The following TRPM1 variants were observed in gnomAD, a reference collection of about 807,000 sequenced individuals.
TRPM1 encodes the protein TRPM1-203 APA Isoform, Intron 10.
TRPM1 carries 113 observed loss-of-function variants against 149.4 expected under a neutral mutation model. The observed-to-expected ratio is 0.76, with a 90% CI of 0.65 to 0.88. The LOEUF (loss-of-function observed/expected upper bound fraction) is 0.88, where lower values mean the gene tolerates loss of function less well. Among genes scored for constraint, TRPM1 ranks in the 40% least tolerant of loss-of-function variants. The probability of loss-of-function intolerance (pLI) is 0.00; values close to 1 mark genes in which losing one functional copy is unlikely to be tolerated. For missense variants in TRPM1, 1,976 were observed against 2,038.7 expected, an observed-to-expected ratio of 0.97 and a Z score of 0.59; for synonymous variants, 741 against 759.5, an observed-to-expected ratio of 0.98 and a Z score of 0.40.
intron 1 of TRPM1, among the ~76,000 whole-genome samples, chr15:31,092,641 C>T (rs56165042): frequency 0.088 from 13,336 of 152,304 alleles, 695 homozygotes; most frequent in Non-Finnish European, 0.11. Flanking sequence ...CCCAGCACTT[C>T]CACACTGAGG....
intron 1 of TRPM1, among the ~76,000 whole-genome samples, chr15:31,155,352 T>A (rs2036354900): frequency 6.6e-6 from 1 of 152,170 alleles, no homozygotes; most frequent in Non-Finnish European, 1.5e-5. Flanking sequence ...GGCTCCTGCC[T>A]GCAGCTCCAA....
In TRPM1 at chr15:31,067,985, G is replaced by A; in HGVS notation, c.387C>T (p.Leu129=). ...GCTTGGGCTGCATCTCAAAGTTCTG[G>A]AGGCCTCCATGCACAGATATTAAGA... ...PKLLISVHGG[L]QNFEMQPKLK... is the part of the protein sequence containing the mutation. Residue 129 remains leucine (L), a synonymous_variant, in exon 5 of 28, where the codon CTC becomes CTT. Coordinates refer to ENST00000256552, the MANE Select transcript of TRPM1 (RefSeq NM_001252024.2). 6.2e-7 allele frequency: 1 copy of A among 1,614,170 alleles called. No individual in the cohort carries two copies. The highest frequency in any genetic ancestry group is 8.5e-7 in the Non-Finnish European group (1 of 1,180,026).
At chr15:31,031,496 T>A (rs554322610) in intron 22 of TRPM1, among the ~76,000 whole-genome samples, 11 of 152,274 alleles carry the variant, frequency 7.2e-5, no homozygotes, top group African/African-American at 2.6e-4. Context: ...TTGTAAGGGA[T>A]GCTAAGGAGG....
upstream of TRPM1, among the ~76,000 whole-genome samples, chr15:31,103,619 C>A (rs1391769658): frequency 6.6e-6 from 1 of 151,786 alleles, no homozygotes; most frequent in Non-Finnish European, 1.5e-5. Flanking sequence ...TCGAGACCAG[C>A]CTGGCCAACA....
intron 1 of TRPM1, among the ~76,000 whole-genome samples, chr15:31,083,270 G>A (rs567968086): frequency 2.6e-5 from 4 of 152,334 alleles, no homozygotes; most frequent in South Asian, 2.1e-4. Flanking sequence ...TAGAGCAGAC[G>A]ACTCAAACTC....
chr15:31,063,077 G>A, intron 8 of TRPM1, 41 bp downstream of exon 8: 1 of 1,612,952 alleles, frequency 6.2e-7, no homozygotes, highest in African/African-American at 1.3e-5. Context: ...GACAAAGAGG[G>A]AGTTACGAAC....
At chr15:31,049,171 G>A (rs1596017108) in intron 13 of TRPM1, among the ~76,000 whole-genome samples, 1 of 152,182 alleles carries the variant, frequency 6.6e-6, no homozygotes, top group Non-Finnish European at 1.5e-5. Context: ...TGAGAAAGGA[G>A]TGACTGGCGA....
intron 27 of TRPM1, among the ~76,000 whole-genome samples, chr15:31,016,985 AC>A (rs1566990329): frequency 3.1e-4 from 37 of 118,210 alleles, no homozygotes; most frequent in African/African-American, 8.2e-4. Flanking sequence ...ACACACACAC[AC>A]ACAAAAAAAA....
chr15:31,113,855 C>T (rs1229705644), intron 1 of TRPM1, among the ~76,000 whole-genome samples: 2 of 152,266 alleles, frequency 1.3e-5, no homozygotes, highest in South Asian at 2.1e-4. Context: ...AACGACGCTC[C>T]CACACGCTGG....
Position 31,047,129 on chromosome 15 carries a change from G to A in TRPM1, c.1746C>T (p.Asn582=), listed in dbSNP as rs1204331321. Residue 582 remains asparagine, a synonymous_variant, in exon 15 of 28, where the codon AAC becomes AAT. Transcript: ENST00000256552. ...GTTCTACCCTCTTTGGTCCAAACAA[G>A]TTGTTGTAAAGGGTCCGAAAGTTTT... ...TRKNFRTLYN[N]LFGPKRPKAL... The A allele has an allele frequency of 6.2e-7, 1 of 1,614,142 alleles. No homozygotes were observed. The highest frequency in any genetic ancestry group is 8.5e-7 in the Non-Finnish European group (1 of 1,180,060).
chr15:31,061,519 A>G lies in TRPM1; in HGVS notation c.1090-5T>C. The G allele has an allele frequency of 6.2e-7, 1 of 1,614,072 alleles. No individual in the cohort carries two copies. Among genetic ancestry groups the G allele is most frequent in the Non-Finnish European group, 8.5e-7 (1 of 1,179,988 alleles). The stretch of plus-strand genomic sequence containing the variant: ...ACCCATTCTGAACACAGTGACCTGA[A>G]AATGTGAAAAGACTGAATTAAAGCC... On this transcript the variant is annotated splice_region_variant and splice_polypyrimidine_tract_variant and intron_variant, in intron 9 of 27. Transcript: ENST00000256552.
At chr15:31,008,530 C>T (rs1215060185) in intron 27 of TRPM1, among the ~76,000 whole-genome samples, 1 of 152,054 alleles carries the variant, frequency 6.6e-6, no homozygotes, top group East Asian at 1.9e-4. Context: ...GCCTTTTATT[C>T]CTGGGATAAA....
chr15:31,086,633 C>G (rs998549770), intron 1 of TRPM1, among the ~76,000 whole-genome samples: 6 of 152,198 alleles, frequency 3.9e-5, no homozygotes, highest in Non-Finnish European at 8.8e-5. Context: ...GGAGCCAGCA[C>G]TCCTCCCTGT....
chr15:31,047,398 G>A, intron 14 of TRPM1, 147 bp from the exon 15 acceptor site: 2 of 857,710 alleles, frequency 2.3e-6, no homozygotes, highest in Non-Finnish European at 3.8e-6. Flanking sequence ...CAATATTCAG[G>A]CTGGGGAAAG....
At position 31,002,801 on chromosome 15, in the gene TRPM1, T is replaced by C; in HGVS notation, c.3899A>G (p.Asn1300Ser). ...DGYSLYRYHF[N>S]GEELLFEDTS... ...ATCCTCAAATAATAACTCTTCTCCGTTAAAATGATATCGATACAAGCTGTA... is the reference window on the plus strand; with the variant it reads ...ATCCTCAAATAATAACTCTTCTCCGCTAAAATGATATCGATACAAGCTGTA... Residue 1300 changes from asparagine to serine, a missense_variant, in exon 28 of 28, where the codon AAC becomes AGC. Physicochemically the swap from Asn to Ser is conservative, Grantham distance 46. Coordinates refer to ENST00000256552, the MANE Select transcript of TRPM1 (RefSeq NM_001252024.2). 6.2e-7 allele frequency: 1 copy of C among 1,614,214 alleles called. No homozygotes were observed. The highest frequency in any genetic ancestry group is 8.5e-7 in the Non-Finnish European group (1 of 1,180,038).
intron 1 of TRPM1, among the ~76,000 whole-genome samples, chr15:31,139,051 C>A (rs571728361): frequency 2.6e-5 from 4 of 152,240 alleles, no homozygotes; most frequent in East Asian, 1.9e-4. Flanking sequence ...CTCAAGTGCA[C>A]TTCTTACATA....
chr15:31,150,349 A>G (rs1321159616), intron 1 of TRPM1, among the ~76,000 whole-genome samples: 1 of 151,670 alleles, frequency 6.6e-6, no homozygotes, highest in African/African-American at 2.4e-5. Context: ...GTGTTAGGCT[A>G]TAGAGGGACC....
chr15:31,126,424 T>G (rs920129962), intron 1 of TRPM1, among the ~76,000 whole-genome samples: 2 of 152,170 alleles, frequency 1.3e-5, no homozygotes, highest in African/African-American at 4.8e-5. Context: ...TCAATGCATG[T>G]GCACACAGAA....
At chr15:31,069,750 T>C (rs1180054452) in intron 4 of TRPM1, 110 of 1,439,736 alleles carry the variant, frequency 7.6e-5, no homozygotes, top group Non-Finnish European at 9.8e-5. Flanking sequence ...GATGGAGCAA[T>C]GGAGTGTGTT....
Sources: allele counts gnomAD v4.1 joint callset (sites outside exome capture counted in the v4.1 genomes callset), GRCh38; gene constraint gnomAD v4.1.1; transcripts MANE v1.5; gene names NCBI Gene and HGNC (gene_info 2026-07-23, HGNC 2026-07-21).